Variants in ST6GALNAC3 observed in about 807,000 individuals in gnomAD.
The protein encoded by ST6GALNAC3 is alpha-N-acetylgalactosaminide alpha-2,6-sialyltransferase 3.
In ST6GALNAC3, 25 loss-of-function variants were observed where a neutral mutation model predicts 32.7. The observed-to-expected ratio is 0.76, with a 90% confidence interval of 0.56 to 1.07. The LOEUF (loss-of-function observed/expected upper bound fraction) is 1.07. Ranked by LOEUF, ST6GALNAC3 falls within the 50% of genes least tolerant of loss-of-function variation. The pLI is 0.00. For missense variants in ST6GALNAC3, 355 were observed against 382.4 expected, an observed-to-expected ratio of 0.93 and a Z score of 0.60; for synonymous variants, 129 against 133.1, an observed-to-expected ratio of 0.97 and a Z score of 0.21.
intron 2 of ST6GALNAC3, among the ~76,000 whole-genome samples, chr1:76,381,496 A>G (rs936869675): frequency 3.9e-5 from 6 of 152,188 alleles, no homozygotes; most frequent in South Asian, 2.1e-4. Flanking sequence ...ACATCATTTA[A>G]TCTTCACAAG....
At chr1:76,330,262 C>T (rs1647165571) in intron 2 of ST6GALNAC3, among the ~76,000 whole-genome samples, 1 of 152,190 alleles carries the variant, frequency 6.6e-6, no homozygotes, top group African/African-American at 2.4e-5. Context: ...AAGTGATTCT[C>T]CTGCCTCAGC....
At chr1:76,112,348 G>A (rs1295571395) in intron 1 of ST6GALNAC3, among the ~76,000 whole-genome samples, 3 of 142,756 alleles carry the variant, frequency 2.1e-5, no homozygotes, top group Non-Finnish European at 4.6e-5. Context: ...CCTCCCGGAC[G>A]GGGCGGCTGG....
chr1:76,143,067 A>G (rs1224077141), intron 1 of ST6GALNAC3, among the ~76,000 whole-genome samples: 1 of 152,214 alleles, frequency 6.6e-6, no homozygotes, highest in Non-Finnish European at 1.5e-5. Context: ...ATTTTTTTAA[A>G]ACAAATTTTT....
intron 1 of ST6GALNAC3, among the ~76,000 whole-genome samples, chr1:76,100,485 A>T (rs1305888198): frequency 6.6e-6 from 1 of 152,180 alleles, no homozygotes; most frequent in African/African-American, 2.4e-5. Context: ...TAATGTAATG[A>T]ATATTTGTAA....
chr1:76,475,945 C>T (rs150168172), intron 3 of ST6GALNAC3, among the ~76,000 whole-genome samples: 2,402 of 152,226 alleles, frequency 0.016, 62 homozygotes, highest in East Asian at 0.13. Context: ...TGAGAACATG[C>T]GGTGTTTGGT....
chr1:76,340,344 G>A (rs1295601567), intron 2 of ST6GALNAC3, among the ~76,000 whole-genome samples: 1 of 152,248 alleles, frequency 6.6e-6, no homozygotes, highest in African/African-American at 2.4e-5. Context: ...TTCTATGTGT[G>A]TCCTTCACAG....
intron 1 of ST6GALNAC3, among the ~76,000 whole-genome samples, chr1:76,091,463 A>C (rs971120177): frequency 1.3e-5 from 2 of 152,190 alleles, no homozygotes; most frequent in Non-Finnish European, 2.9e-5. Flanking sequence ...TGTTTCCCTG[A>C]CTTAGAATGT....
intron 3 of ST6GALNAC3, among the ~76,000 whole-genome samples, chr1:76,542,875 G>A (rs1349642708): frequency 6.6e-6 from 1 of 152,158 alleles, no homozygotes; most frequent in Non-Finnish European, 1.5e-5. Flanking sequence ...GTGGTAGAAT[G>A]AGAGGAATTG....
At chr1:76,197,210 A>G (rs1027962318) in intron 1 of ST6GALNAC3, among the ~76,000 whole-genome samples, 1 of 152,178 alleles carries the variant, frequency 6.6e-6, no homozygotes, top group Non-Finnish European at 1.5e-5. Flanking sequence ...AAGATTGCTG[A>G]TGAAGATGTG....
intron 2 of ST6GALNAC3, among the ~76,000 whole-genome samples, chr1:76,349,303 G>A (rs1648784777): frequency 6.6e-6 from 1 of 152,070 alleles, no homozygotes; most frequent in Non-Finnish European, 1.5e-5. Context: ...GTTGTCTAGG[G>A]GAATAAATTG....
chr1:76,571,101 C>T (rs901855905), intron 3 of ST6GALNAC3, among the ~76,000 whole-genome samples: 2 of 152,072 alleles, frequency 1.3e-5, no homozygotes, highest in Non-Finnish European at 2.9e-5. Flanking sequence ...TCTCAGTTAT[C>T]CAAGTGTCTT....
chr1:76,578,897 C>G (rs562401867), intron 3 of ST6GALNAC3, among the ~76,000 whole-genome samples: 1 of 151,950 alleles, frequency 6.6e-6, no homozygotes, highest in Non-Finnish European at 1.5e-5. Context: ...TGAGGATATA[C>G]CTATGCATAC....
intron 2 of ST6GALNAC3, among the ~76,000 whole-genome samples, chr1:76,401,798 T>TA (rs1653438695): frequency 1.3e-5 from 2 of 152,226 alleles, no homozygotes; most frequent in Non-Finnish European, 2.9e-5. Flanking sequence ...GACTTAATCT[T>TA]ACAATAACTC....
intron 1 of ST6GALNAC3, among the ~76,000 whole-genome samples, chr1:76,259,643 G>A (rs954287508): frequency 3.3e-5 from 5 of 152,114 alleles, no homozygotes; most frequent in African/African-American, 1.2e-4. Context: ...AGATTTCAGT[G>A]GGGAAGATTG....
At chr1:76,367,803 G>A (rs2101069963) in intron 2 of ST6GALNAC3, among the ~76,000 whole-genome samples, 1 of 152,264 alleles carries the variant, frequency 6.6e-6, no homozygotes, top group African/African-American at 2.4e-5. Flanking sequence ...CTTGGTCTCA[G>A]CAGCATTCAG....
intron 1 of ST6GALNAC3, among the ~76,000 whole-genome samples, chr1:76,270,843 T>A (rs551454300): frequency 1.3e-5 from 2 of 152,344 alleles, no homozygotes; most frequent in South Asian, 4.1e-4. Context: ...AAAGCTGTTG[T>A]AAGCAGCTCA....
At chr1:76,373,283 T>C (rs980049849) in intron 2 of ST6GALNAC3, among the ~76,000 whole-genome samples, 1 of 152,212 alleles carries the variant, frequency 6.6e-6, no homozygotes, top group Non-Finnish European at 1.5e-5. Flanking sequence ...GCATGTCGCT[T>C]GACCTTGCTG....
chr1:76,577,350 T>A, intron 3 of ST6GALNAC3: 1 of 985,262 alleles, frequency 1.0e-6, no homozygotes, highest in Non-Finnish European at 1.2e-6. Context: ...AGGTAACCTT[T>A]ACCAAGAGCT....
chr1:76,543,925 A>G (rs1332896783), intron 3 of ST6GALNAC3, among the ~76,000 whole-genome samples: 2 of 152,094 alleles, frequency 1.3e-5, no homozygotes. Flanking sequence ...CTTTTCACTC[A>G]TTTGTTAATT....
Sources: allele counts gnomAD v4.1 joint callset (sites outside exome capture counted in the v4.1 genomes callset), GRCh38; gene constraint gnomAD v4.1.1; transcripts MANE v1.5; gene names NCBI Gene and HGNC (gene_info 2026-07-23, HGNC 2026-07-21).